BCKDHB: variants seen among roughly 807,000 people sequenced by gnomAD.
BCKDHB encodes 2-oxoisovalerate dehydrogenase subunit beta, mitochondrial.
Under a neutral mutation model 48.5 loss-of-function variants are expected in BCKDHB, and 41 were observed. That is an observed-to-expected ratio of 0.85 (90% confidence interval 0.66 to 1.10). The LOEUF (loss-of-function observed/expected upper bound fraction) is 1.10, where lower values mean the gene tolerates loss of function less well. BCKDHB is among the 50% of genes least tolerant of loss of function. The probability of loss-of-function intolerance (pLI) is 0.00; values close to 1 mark genes in which losing one functional copy is unlikely to be tolerated. For missense variants in BCKDHB, 496 were observed against 494.2 expected (o/e 1.00, Z -0.03); for synonymous variants, 201 against 174.8 (o/e 1.15, Z -1.18).
At chr6:80,213,487 A>G (rs1254230504) in intron 8 of BCKDHB, among the ~76,000 whole-genome samples, 3 of 152,068 alleles carry the variant, frequency 2.0e-5, no homozygotes, top group African/African-American at 7.2e-5. Flanking sequence ...GCAGCTTTTA[A>G]AACTGGGTCT....
At chr6:80,106,658 G>A (rs936246321), upstream of BCKDHB, 1 of 1,544,504 alleles carries the variant, frequency 6.5e-7, no homozygotes, top group South Asian at 1.2e-5. Flanking sequence ...GGCGGCGTGC[G>A]GCTGCATAGC....
At chr6:80,243,689 T>C (rs1733284713) in intron 8 of BCKDHB, among the ~76,000 whole-genome samples, 1 of 152,112 alleles carries the variant, frequency 6.6e-6, no homozygotes, top group Non-Finnish European at 1.5e-5. Context: ...TGCACTTCTG[T>C]GCCCAGCTAA....
chr6:80,297,226 A>G (rs1338909195), intron 9 of BCKDHB, among the ~76,000 whole-genome samples: 11 of 152,168 alleles, frequency 7.2e-5, no homozygotes, highest in Admixed American at 6.6e-4. Flanking sequence ...ATGACCCTAA[A>G]CTACTTAGAA....
intron 9 of BCKDHB, among the ~76,000 whole-genome samples, chr6:80,274,674 G>A (rs991302131): frequency 7.2e-5 from 11 of 151,990 alleles, no homozygotes; most frequent in Admixed American, 2.6e-4. Flanking sequence ...AGGAAAACAA[G>A]TAGAACATAG....
intron 8 of BCKDHB, among the ~76,000 whole-genome samples, chr6:80,204,016 C>T (rs567356220): frequency 3.9e-5 from 6 of 151,926 alleles, no homozygotes; most frequent in South Asian, 2.1e-4. Context: ...GATATATGTA[C>T]GATTAATAGA....
chr6:80,293,204 A>T (rs1008587368), intron 9 of BCKDHB, among the ~76,000 whole-genome samples: 2 of 152,156 alleles, frequency 1.3e-5, no homozygotes, highest in Non-Finnish European at 2.9e-5. Flanking sequence ...TTTTCCTTCC[A>T]CACTGACCTA....
At chr6:80,227,475 A>C (rs1228412651) in intron 8 of BCKDHB, among the ~76,000 whole-genome samples, 1 of 152,216 alleles carries the variant, frequency 6.6e-6, no homozygotes, top group Non-Finnish European at 1.5e-5. Flanking sequence ...TGTTTTAAAA[A>C]AACTAGTGGA....
chr6:80,278,602 C>T (rs1778062708), intron 9 of BCKDHB, among the ~76,000 whole-genome samples: 2 of 152,086 alleles, frequency 1.3e-5, no homozygotes, highest in Non-Finnish European at 2.9e-5. Context: ...CTCTGTCGCC[C>T]AGGCTGGAGT....
intron 1 of BCKDHB, among the ~76,000 whole-genome samples, chr6:80,119,978 A>G (rs1490438278): frequency 6.6e-6 from 1 of 151,844 alleles, no homozygotes; most frequent in Non-Finnish European, 1.5e-5. Flanking sequence ...CATCATTTAC[A>G]TTAGGTATTT....
intron 1 of BCKDHB, 51 bp downstream of exon 1, chr6:80,106,940 C>T (rs964024518): frequency 2.6e-6 from 4 of 1,563,084 alleles, no homozygotes; most frequent in Middle Eastern, 2.1e-4. Context: ...GACTCCCAGG[C>T]TCGCAGGCGC....
At chr6:80,356,751 C>G in the BCKDHB span, 1 of 152,054 alleles carries the variant, frequency 6.6e-6, no homozygotes, top group Non-Finnish European at 1.5e-5. Flanking sequence ...CATAATCTTT[C>G]TGTTTTGTAA....
At chr6:80,211,866 T>C (rs920375236) in intron 8 of BCKDHB, among the ~76,000 whole-genome samples, 3 of 152,202 alleles carry the variant, frequency 2.0e-5, no homozygotes, top group Admixed American at 6.6e-5. Context: ...GATGCCCACC[T>C]GAGCCTCAAA....
the BCKDHB span, among the ~76,000 whole-genome samples, chr6:80,386,376 A>G: frequency 6.6e-6 from 1 of 152,148 alleles, no homozygotes; most frequent in African/African-American, 2.4e-5. Flanking sequence ...GGAATACTCT[A>G]CAGGTATAAA....
the BCKDHB span, among the ~76,000 whole-genome samples, chr6:80,418,578 T>A: frequency 1.5e-3 from 227 of 152,356 alleles, 1 homozygote; most frequent in Middle Eastern, 6.8e-3. Context: ...TTCCAACTGC[T>A]GAACTGTGTG....
At chr6:80,123,527 T>A (rs1298578706) in intron 1 of BCKDHB, among the ~76,000 whole-genome samples, 1 of 152,150 alleles carries the variant, frequency 6.6e-6, no homozygotes, top group East Asian at 1.9e-4. Flanking sequence ...GGTCCTGGAC[T>A]TTTTTTGGTT....
At chr6:80,313,453 T>A (rs1681125716) in intron 9 of BCKDHB, among the ~76,000 whole-genome samples, 1 of 152,012 alleles carries the variant, frequency 6.6e-6, no homozygotes, top group South Asian at 2.1e-4. Context: ...CTCTGCCTCC[T>A]GGGTTCAAGC....
chr6:80,436,606 C>T, the BCKDHB span, among the ~76,000 whole-genome samples: 1 of 152,086 alleles, frequency 6.6e-6, no homozygotes, highest in Non-Finnish European at 1.5e-5. Flanking sequence ...TAAGTGTCAC[C>T]TCCTCTGTGA....
chr6:80,246,269 T>C (rs1233264874), intron 8 of BCKDHB, among the ~76,000 whole-genome samples: 3 of 152,132 alleles, frequency 2.0e-5, no homozygotes, highest in African/African-American at 4.8e-5. Flanking sequence ...ATGGGAAGCA[T>C]TGAGAGAAGG....
At chr6:80,220,082 T>C (rs1487625495) in intron 8 of BCKDHB, among the ~76,000 whole-genome samples, 2 of 152,028 alleles carry the variant, frequency 1.3e-5, no homozygotes, top group African/African-American at 4.8e-5. Context: ...TATTCTTTCT[T>C]TTTTTTGTAT....
Sources: gnomAD v4.1 joint callset for allele counts (sites outside exome capture counted in the v4.1 genomes callset) on GRCh38, gnomAD v4.1.1 for gene constraint, MANE v1.5 for transcripts, NCBI Gene and HGNC (gene_info 2026-07-23, HGNC 2026-07-21) for gene names.